MAML3: variants seen among roughly 807,000 people sequenced by gnomAD.
MAML3 encodes mastermind-like protein 3.
MAML3 carries 27 observed loss-of-function variants against 101.9 expected under a neutral mutation model. The observed-to-expected ratio is 0.27, with a 90% confidence interval of 0.20 to 0.37. MAML3 has a LOEUF of 0.37. Ranked by LOEUF, MAML3 falls within the 10% of genes least tolerant of loss-of-function variation. MAML3 has a pLI of 1.00. For missense variants in MAML3, 1,316 were observed against 1,444.9 expected (o/e 0.91, Z 1.45); for synonymous variants, 501 against 555.9 (o/e 0.90, Z 1.39).
rs546054334 is a variant in MAML3 at position 139,730,566 on chromosome 4, G to C, written c.2181C>G (p.Pro727=). The C allele has an allele frequency of 1.9e-6, 3 of 1,598,130 alleles. No homozygotes were observed. ...CTTGGGGCTGGCTGCCCAGGAAGCC[G>C]GGGCCTGCGGGACTGGCTCCTGAGA... ...GMVSGASPAG[P]GFLGSQPQAA... The change falls in exon 3 of 5, where the codon CCC becomes CCG. Residue 727 remains proline, a synonymous_variant. Coordinates refer to ENST00000509479, the MANE Select transcript of MAML3 (RefSeq NM_018717.5).
Position 140,153,430 on chromosome 4 carries a change from G to A in MAML3, c.-103C>T. 1.5e-6 allele frequency: 2 copies of A among 1,338,884 alleles called. No homozygotes were observed. The highest frequency in any genetic ancestry group is 1.9e-6 in the Non-Finnish European group (2 of 1,032,346). 82.9% of individuals were successfully genotyped at this position (1,338,884 alleles called of 1,614,324 possible). Reference sequence around the variant, plus strand: ...TTAAAATAGTTTAAGTGGAACGCGGGGGAGACGCAAGCACATGGATGGAAA... The same window carrying A: ...TTAAAATAGTTTAAGTGGAACGCGGAGGAGACGCAAGCACATGGATGGAAA... On this transcript the variant is annotated 5_prime_UTR_variant, in exon 1 of 5. Transcript: ENST00000509479.
At chr4:139,984,787 C>G (rs1734507490) in intron 1 of MAML3, among the ~76,000 whole-genome samples, 1 of 152,160 alleles carries the variant, frequency 6.6e-6, no homozygotes, top group Non-Finnish European at 1.5e-5. Flanking sequence ...TGGATCAGAC[C>G]CACCCAGATA....
chr4:139,917,679 C>T (rs958062902), intron 1 of MAML3, among the ~76,000 whole-genome samples: 3 of 152,094 alleles, frequency 2.0e-5, no homozygotes, highest in Non-Finnish European at 2.9e-5. Context: ...TTTTAAAAAA[C>T]GATTAGAGAG....
intron 1 of MAML3, among the ~76,000 whole-genome samples, chr4:139,922,588 G>C (rs1411858066): frequency 6.6e-6 from 1 of 152,172 alleles, no homozygotes; most frequent in African/African-American, 2.4e-5. Context: ...TTAGAAAAGT[G>C]AATCATTCCC....
At chr4:139,801,227 C>T (rs80260421) in intron 2 of MAML3, among the ~76,000 whole-genome samples, 5,609 of 152,214 alleles carry the variant, frequency 0.037, 166 homozygotes, top group Middle Eastern at 0.15. Flanking sequence ...AAAAGGGCTG[C>T]CAGATAAAAT....
intron 1 of MAML3, among the ~76,000 whole-genome samples, chr4:140,052,146 G>A (rs1301153883): frequency 6.6e-6 from 1 of 152,136 alleles, no homozygotes; most frequent in Non-Finnish European, 1.5e-5. Flanking sequence ...GCCCAGAAAT[G>A]GTTCACACAT....
chr4:140,139,742 TA>T (rs1408652732), intron 1 of MAML3, among the ~76,000 whole-genome samples: 6 of 152,234 alleles, frequency 3.9e-5, no homozygotes, highest in Non-Finnish European at 5.9e-5. Flanking sequence ...AAATAACTAG[TA>T]TTCAAAACAT....
At chr4:140,052,280 C>T (rs939076923) in intron 1 of MAML3, among the ~76,000 whole-genome samples, 3 of 152,178 alleles carry the variant, frequency 2.0e-5, no homozygotes, top group Admixed American at 1.3e-4. Flanking sequence ...CACTGAGACA[C>T]GGATCCACAA....
chr4:139,816,274 C>T (rs1030466715), intron 2 of MAML3, among the ~76,000 whole-genome samples: 4 of 152,162 alleles, frequency 2.6e-5, no homozygotes, highest in African/African-American at 9.7e-5. Context: ...ATGAAACCCG[C>T]AGCATCGAGG....
chr4:139,862,225 A>C (rs920385889), intron 2 of MAML3, among the ~76,000 whole-genome samples: 1 of 152,002 alleles, frequency 6.6e-6, no homozygotes, highest in Non-Finnish European at 1.5e-5. Flanking sequence ...ACAAACAAAC[A>C]AAAAAAACAA....
chr4:139,836,738 A>C (rs1461694473), intron 2 of MAML3, among the ~76,000 whole-genome samples: 1 of 152,132 alleles, frequency 6.6e-6, no homozygotes, highest in Non-Finnish European at 1.5e-5. Flanking sequence ...GGTGGAATAC[A>C]GCATCATTCA....
intron 2 of MAML3, among the ~76,000 whole-genome samples, chr4:139,748,777 G>C (rs1310657071): frequency 1.3e-5 from 2 of 152,182 alleles, no homozygotes; most frequent in African/African-American, 2.4e-5. Flanking sequence ...CCGAGGTTTT[G>C]AACAGTAGAA....
At chr4:140,040,402 T>C (rs548211026) in intron 1 of MAML3, among the ~76,000 whole-genome samples, 3 of 152,168 alleles carry the variant, frequency 2.0e-5, no homozygotes, top group Non-Finnish European at 4.4e-5. Flanking sequence ...TATGTGGGAT[T>C]CACAAACAGA....
intron 1 of MAML3, among the ~76,000 whole-genome samples, chr4:140,122,419 A>C (rs1371910016): frequency 6.6e-6 from 1 of 151,896 alleles, no homozygotes; most frequent in African/African-American, 2.4e-5. Flanking sequence ...ATAGGGTTTC[A>C]CCATGTTGGC....
intron 1 of MAML3, among the ~76,000 whole-genome samples, chr4:140,108,536 T>C (rs34062109): frequency 0.014 from 2,167 of 150,570 alleles, 37 homozygotes; most frequent in Non-Finnish European, 0.022. Context: ...TAATGGTATA[T>C]CTACTTTTCA....
chr4:140,043,244 A>T (rs1392195036), intron 1 of MAML3, among the ~76,000 whole-genome samples: 1 of 152,142 alleles, frequency 6.6e-6, no homozygotes, highest in Non-Finnish European at 1.5e-5. Flanking sequence ...AATAGGAGAC[A>T]CTTAGGTCTG....
intron 1 of MAML3, among the ~76,000 whole-genome samples, chr4:140,001,205 TG>T (rs910795972): frequency 5.3e-5 from 8 of 152,206 alleles, no homozygotes; most frequent in African/African-American, 1.9e-4. Context: ...GTTTTCTCCA[TG>T]AGCAGTTGCA....
chr4:140,016,580 G>GACAA (rs1389900126), intron 1 of MAML3, among the ~76,000 whole-genome samples: 1 of 152,110 alleles, frequency 6.6e-6, no homozygotes, highest in African/African-American at 2.4e-5. Context: ...CTAGTGAAGA[G>GACAA]ACAAACACTA....
chr4:140,025,506 T>C (rs902230273), intron 1 of MAML3, among the ~76,000 whole-genome samples: 1 of 152,136 alleles, frequency 6.6e-6, no homozygotes, highest in Non-Finnish European at 1.5e-5. Context: ...AAAATAATTA[T>C]GATAGATAAA....
Sources: allele counts gnomAD v4.1 joint callset (sites outside exome capture counted in the v4.1 genomes callset), GRCh38; gene constraint gnomAD v4.1.1; transcripts MANE v1.5; gene names NCBI Gene and HGNC (gene_info 2026-07-23, HGNC 2026-07-21).